Variants in LPP observed in about 807,000 individuals in gnomAD.
The protein encoded by LPP is LIM domain containing preferred translocation partner in lipoma, also known as lipoma-preferred partner.
A neutral mutation model predicts 60.4 loss-of-function variants in LPP; 38 were observed. The observed-to-expected ratio is 0.63, with a 90% CI of 0.49 to 0.83. LPP has a LOEUF of 0.83. Among genes scored for constraint, LPP ranks in the 40% least tolerant of loss-of-function variants. The pLI, the probability that LPP is intolerant of heterozygous loss-of-function variation, is 0.00. For missense variants in LPP, 902 were observed against 783.6 expected, an observed-to-expected ratio of 1.15 and a Z score of -1.80; for synonymous variants, 328 against 290.8, an observed-to-expected ratio of 1.13 and a Z score of -1.30.
chr3:188,718,887 C>T (rs1466230990), intron 8 of LPP, among the ~76,000 whole-genome samples: 2 of 152,114 alleles, frequency 1.3e-5, no homozygotes, highest in Non-Finnish European at 2.9e-5. Context: ...CTAGGAAAAC[C>T]TCTTCATTTT....
chr3:188,608,690 T>C (rs1489664038), intron 6 of LPP, among the ~76,000 whole-genome samples: 1 of 152,202 alleles, frequency 6.6e-6, no homozygotes, highest in East Asian at 1.9e-4. Flanking sequence ...GAATTGTTTT[T>C]TCTATGTATG....
chr3:188,494,140 G>A (rs1809240246), intron 5 of LPP, among the ~76,000 whole-genome samples: 1 of 152,120 alleles, frequency 6.6e-6, no homozygotes, highest in Non-Finnish European at 1.5e-5. Flanking sequence ...ATGTAATTAG[G>A]GGATGCAGGC....
intron 9 of LPP, among the ~76,000 whole-genome samples, chr3:188,804,264 TATATATATATATATATATAA>T (rs1395713357): frequency 8.4e-6 from 1 of 118,574 alleles, no homozygotes; most frequent in Non-Finnish European, 1.7e-5. Flanking sequence ...TATATATATA[TATATATATATATATATATAA>T]AATGGAATAC....
At chr3:188,761,423 G>C (rs750894850) in intron 9 of LPP, among the ~76,000 whole-genome samples, 2 of 152,002 alleles carry the variant, frequency 1.3e-5, no homozygotes, top group Non-Finnish European at 1.5e-5. Context: ...ATTTTATTTC[G>C]TTTTCTTTCC....
In LPP at chr3:188,884,996, ATGT is replaced by A. The variant is rs1165686015; in HGVS notation, c.*10522_*10524del. On this transcript the variant is annotated 3_prime_UTR_variant, in exon 12 of 12. Coordinates refer to ENST00000617246, the MANE Select transcript of LPP (RefSeq NM_001375462.1). The stretch of plus-strand genomic sequence containing the variant: ...TTATAATTACAAGGAATTTGGTACC[ATGT>A]TGTTTTCAAAAAACCTCCTAGAAAG... The A allele has an allele frequency of 1.0e-4, 22 of 213,562 alleles. No homozygotes were observed. Among genetic ancestry groups the A allele is most frequent in the Admixed American group, 2.3e-4 (4 of 17,064 alleles). The allele number at this position is 213,562 out of a possible 1,614,324, so 13.2% of individuals were successfully genotyped here.
rs181827156 is a variant in LPP at position 188,676,277 on chromosome 3, G to A, written c.1114-31990G>A. 1.2e-3 allele frequency among the ~76,000 whole-genome samples: 189 copies of A among 152,250 alleles called. 3 individuals are homozygous for A. The highest frequency in any genetic ancestry group is 4.2e-3 in the African/African-American group (174 of 41,542). On this transcript the variant is annotated intron_variant, in intron 7 of 11. Coordinates refer to ENST00000617246, the MANE Select transcript of LPP (RefSeq NM_001375462.1). The stretch of plus-strand genomic sequence containing the variant: ...ACTGAAACAGCTACATTGTATTCAG[G>A]TGAAGCTACATAGATGTAAATAAAG...
intron 6 of LPP, among the ~76,000 whole-genome samples, chr3:188,570,756 A>G (rs776728900): frequency 6.6e-6 from 1 of 151,916 alleles, no homozygotes. Context: ...TGGAGTTCTC[A>G]ACAGGAAAGC....
chr3:188,703,271 C>T (rs1004590033), intron 7 of LPP, among the ~76,000 whole-genome samples: 3 of 152,182 alleles, frequency 2.0e-5, no homozygotes, highest in Admixed American at 6.5e-5. Context: ...TTTTATTACC[C>T]ATACAATATG....
At chr3:188,288,672 A>G (rs142147784) in intron 2 of LPP, among the ~76,000 whole-genome samples, 22 of 152,280 alleles carry the variant, frequency 1.4e-4, no homozygotes, top group African/African-American at 5.1e-4. Flanking sequence ...GCATACATAC[A>G]TACTTTTTCT....
intron 4 of LPP, among the ~76,000 whole-genome samples, chr3:188,414,933 A>G (rs1785801619): frequency 1.3e-5 from 2 of 152,132 alleles, no homozygotes; most frequent in African/African-American, 4.8e-5. Context: ...ATATACCCGA[A>G]CAAAGTGGAT....
At chr3:188,581,130 AG>A (rs769665269) in intron 6 of LPP, among the ~76,000 whole-genome samples, 5 of 152,160 alleles carry the variant, frequency 3.3e-5, no homozygotes, top group Admixed American at 2.0e-4. Flanking sequence ...GGACCATCAC[AG>A]GAGGGTAGTC....
intron 2 of LPP, among the ~76,000 whole-genome samples, chr3:188,294,923 GT>G (rs1747344988): frequency 6.6e-6 from 1 of 152,210 alleles, no homozygotes; most frequent in South Asian, 2.1e-4. Context: ...TAGCTGATGG[GT>G]TTAGAGAACT....
chr3:188,386,178 A>G (rs1320039258), intron 3 of LPP, among the ~76,000 whole-genome samples: 1 of 151,594 alleles, frequency 6.6e-6, no homozygotes, highest in African/African-American at 2.4e-5. Flanking sequence ...GGAAATAGGA[A>G]ATGATCTCAC....
In LPP at chr3:188,874,381, A is replaced by T. The variant is rs1354138894; in HGVS notation, c.1741A>T (p.Asn581Tyr). ...DCGGLLSEGD[N>Y]QGCYPLDGHI... is the part of the protein sequence containing the mutation. ...CGGTGGTCTCCTGTCTGAAGGAGATAACCAAGGCTGCTACCCCTTGGATGG... is the reference window on the plus strand; with the variant it reads ...CGGTGGTCTCCTGTCTGAAGGAGATTACCAAGGCTGCTACCCCTTGGATGG... Residue 581 changes from asparagine (N) to tyrosine (Y), a missense_variant, in exon 12 of 12, where the codon AAC (asparagine) becomes TAC (tyrosine). Asn to Tyr is a moderately radical substitution (Grantham distance 143). Transcript: ENST00000617246. The T allele has an allele frequency of 6.2e-7, 1 of 1,614,008 alleles. No homozygotes were observed. The highest frequency in any genetic ancestry group is 8.5e-7 in the Non-Finnish European group (1 of 1,179,974).
intron 6 of LPP, among the ~76,000 whole-genome samples, chr3:188,571,908 A>G (rs886129741): frequency 1.3e-5 from 2 of 152,066 alleles, no homozygotes; most frequent in Non-Finnish European, 2.9e-5. Flanking sequence ...CACATGCTTA[A>G]CATTTCTGAC....
chr3:188,348,740 G>A (rs1765060133), intron 3 of LPP, among the ~76,000 whole-genome samples: 1 of 152,182 alleles, frequency 6.6e-6, no homozygotes, highest in South Asian at 2.1e-4. Context: ...AGAGCCCCAG[G>A]TAGTTCATAT....
chr3:188,652,629 G>C (rs889838921), intron 7 of LPP, among the ~76,000 whole-genome samples: 5 of 152,198 alleles, frequency 3.3e-5, no homozygotes, highest in African/African-American at 9.7e-5. Context: ...TTTGACTTGA[G>C]GGGACAGCCC....
At chr3:188,172,007 CAGTT>C (rs1721724728) in intron 1 of LPP, among the ~76,000 whole-genome samples, 1 of 152,212 alleles carries the variant, frequency 6.6e-6, no homozygotes. Flanking sequence ...GGGCAGAACA[CAGTT>C]AGGACAAGGC....
chr3:188,732,772 C>G (rs1249903031), intron 8 of LPP, among the ~76,000 whole-genome samples: 2 of 147,170 alleles, frequency 1.4e-5, no homozygotes, highest in Admixed American at 1.4e-4. Flanking sequence ...ACAGAAATTT[C>G]TAAGATAACT....
Sources: allele counts gnomAD v4.1 joint callset (sites outside exome capture counted in the v4.1 genomes callset), GRCh38; gene constraint gnomAD v4.1.1; transcripts MANE v1.5; gene names NCBI Gene and HGNC (gene_info 2026-07-23, HGNC 2026-07-21).